Variants in VPS8 observed in about 807,000 individuals in gnomAD.
The protein encoded by VPS8 is vacuolar protein sorting-associated protein 8 homolog.
In VPS8, 129 loss-of-function variants were observed where a neutral mutation model predicts 216.4. That is an observed-to-expected ratio of 0.60 (90% confidence interval 0.52 to 0.69). VPS8 has a LOEUF of 0.69. Ranked by LOEUF, VPS8 falls within the 30% of genes least tolerant of loss-of-function variation. The pLI is 0.00. For missense variants in VPS8, 1,531 were observed against 1,683.5 expected, an observed-to-expected ratio of 0.91 and a Z score of 1.59; for synonymous variants, 571 against 565.4, an observed-to-expected ratio of 1.01 and a Z score of -0.14.
At chr3:184,885,056 GTCATGAATAATAT>G (rs956412319) in intron 21 of VPS8, among the ~76,000 whole-genome samples, 2 of 152,144 alleles carry the variant, frequency 1.3e-5, no homozygotes, top group African/African-American at 2.4e-5. Context: ...TCTACATGTA[GTCATGAATAATAT>G]TCATAAGTAA....
chr3:184,986,918 A>G (rs182519627), intron 42 of VPS8, among the ~76,000 whole-genome samples: 2 of 152,314 alleles, frequency 1.3e-5, no homozygotes, highest in East Asian at 3.9e-4. Flanking sequence ...TGGTGAATTA[A>G]TATTGATATA....
chr3:184,901,976 T>A (rs1015125143), intron 25 of VPS8, among the ~76,000 whole-genome samples: 7 of 152,234 alleles, frequency 4.6e-5, no homozygotes, highest in Non-Finnish European at 1.0e-4. Context: ...CTTAAAACTT[T>A]GGCCATTCTA....
At chr3:184,844,398 G>A (rs1472103667) in intron 8 of VPS8, among the ~76,000 whole-genome samples, 4 of 152,102 alleles carry the variant, frequency 2.6e-5, no homozygotes, top group African/African-American at 9.6e-5. Context: ...TCCAGCCTGG[G>A]TGACAGAGTG....
chr3:184,843,650 A>G (rs1451812192), intron 8 of VPS8, among the ~76,000 whole-genome samples: 1 of 152,190 alleles, frequency 6.6e-6, no homozygotes, highest in Admixed American at 6.5e-5. Flanking sequence ...GAGTCAATCA[A>G]TGCATGCAAA....
intron 30 of VPS8, 29 bp from the exon 31 acceptor site, chr3:184,926,565 C>G (rs1275537168): frequency 1.9e-6 from 3 of 1,560,178 alleles, no homozygotes; most frequent in Non-Finnish European, 8.7e-7. Flanking sequence ...ATGCTGATAT[C>G]AAATAAAAAA....
chr3:185,009,771 CAG>C (rs1035283610), intron 45 of VPS8, among the ~76,000 whole-genome samples: 2 of 152,016 alleles, frequency 1.3e-5, no homozygotes, highest in African/African-American at 4.8e-5. Context: ...CGGCATGACT[CAG>C]AGAGGGAGAA....
rs554985916 is a variant in VPS8, at chr3:184,826,087, T to G, written c.154-76T>G. On this transcript the variant is annotated intron_variant, in intron 2 of 47. Coordinates refer to ENST00000625842, the MANE Select transcript of VPS8 (RefSeq NM_001009921.3). The stretch of plus-strand genomic sequence containing the variant: ...GTTTGTCTTTTAATTGATGGTGGTT[T>G]TAATCAACTAAAACCCCTCACAATT... The G allele has an allele frequency of 3.8e-6, 4 of 1,044,546 alleles. No homozygotes were observed. In the East Asian group the frequency reaches 9.8e-5, roughly 26 times the overall value. The allele number at this position is 1,044,546 out of a possible 1,614,324, so 64.7% of individuals were successfully genotyped here.
Position 184,902,114 on chromosome 3 carries a change from C to T in VPS8, c.2146+1142C>T, listed in dbSNP as rs759687400. On this transcript the variant is annotated intron_variant, in intron 25 of 47. Transcript: ENST00000625842. ...TTGTGAATTGTTTAAATATTTAGCC[C>T]CCCCCCCCTTTTTTTTTTTTAATTG... Among the ~76,000 whole-genome samples the T allele has an allele frequency of 1.9e-4, 28 of 148,410 alleles. No homozygotes were observed. In the East Asian group the frequency reaches 6.0e-3, roughly 32 times the overall value.
intron 1 of VPS8, among the ~76,000 whole-genome samples, chr3:184,822,544 A>G (rs1717830955): frequency 6.6e-6 from 1 of 152,228 alleles, no homozygotes; most frequent in African/African-American, 2.4e-5. Context: ...TCAGTTAAAT[A>G]TTATTTTCCT....
chr3:184,913,521 G>T lies in VPS8; in HGVS notation c.2149G>T (p.Glu717Ter). The change falls in exon 26 of 48, where the codon GAA (glutamate) becomes TAA (stop). Residue 717 changes from glutamate to a stop codon, truncating the protein, a stop_gained and splice_region_variant. Coordinates refer to ENST00000625842, the MANE Select transcript of VPS8 (RefSeq NM_001009921.3). LOFTEE classifies it high-confidence loss of function. ...AGATACTTCTCTTTCTATTTTAGAT[G>T]AACAAGTTGTTATGGGCAATAAGCT... ...PLNAGKTLTD[E>*]QVVMGNKLLV... The T allele has an allele frequency of 6.3e-7, 1 of 1,586,162 alleles. No homozygotes were observed. The highest frequency in any genetic ancestry group is 8.6e-7 in the Non-Finnish European group (1 of 1,167,458).
chr3:185,014,873 A>C (rs979477523), intron 45 of VPS8, among the ~76,000 whole-genome samples: 1 of 152,194 alleles, frequency 6.6e-6, no homozygotes, highest in African/African-American at 2.4e-5. Flanking sequence ...TAGAAGCTGG[A>C]ATGCCCATCA....
intron 37 of VPS8, 51 bp downstream of exon 37, chr3:184,957,572 C>G: frequency 6.6e-7 from 1 of 1,506,870 alleles, no homozygotes. Flanking sequence ...TTAACATTCT[C>G]CATTTGACAG....
At chr3:185,026,464 T>C (rs368274249) in intron 46 of VPS8, among the ~76,000 whole-genome samples, 125 of 145,114 alleles carry the variant, frequency 8.6e-4, no homozygotes, top group African/African-American at 3.1e-3. Flanking sequence ...CAGGCTGGAG[T>C]GCAGTCACAT....
intron 29 of VPS8, 65 bp from the exon 30 acceptor site, chr3:184,924,797 G>T (rs1739270007): frequency 2.6e-6 from 3 of 1,163,940 alleles, no homozygotes; most frequent in African/African-American, 3.0e-5. Flanking sequence ...TCTTCTAATT[G>T]TATTTTTTTT....
intron 36 of VPS8, chr3:184,944,562 T>C: frequency 1.0e-6 from 1 of 985,072 alleles, no homozygotes; most frequent in Non-Finnish European, 1.2e-6. Context: ...TGTGAGGCCA[T>C]GAGCTGCATA....
chr3:184,901,917 C>T (rs762613966), intron 25 of VPS8, among the ~76,000 whole-genome samples: 6 of 152,114 alleles, frequency 3.9e-5, no homozygotes, highest in Non-Finnish European at 1.5e-5. Flanking sequence ...TGAGAGTTCC[C>T]GCTCCACATC....
intron 46 of VPS8, among the ~76,000 whole-genome samples, chr3:185,037,744 G>T (rs2108490091): frequency 6.6e-6 from 1 of 152,126 alleles, no homozygotes. Flanking sequence ...CTCCTGTTAA[G>T]CCTGTCTTGT....
chr3:184,923,997 C>T (rs1284707854), intron 29 of VPS8, among the ~76,000 whole-genome samples: 2 of 152,126 alleles, frequency 1.3e-5, no homozygotes, highest in East Asian at 3.8e-4. Flanking sequence ...TATGTCTTTT[C>T]CTTCTTGTTC....
At chr3:184,825,498 T>A (rs1223620299) in intron 2 of VPS8, among the ~76,000 whole-genome samples, 1 of 152,234 alleles carries the variant, frequency 6.6e-6, no homozygotes, top group Non-Finnish European at 1.5e-5. Context: ...GATGTCAGAC[T>A]TTTGCTTATT....
Sources: gnomAD v4.1 joint callset for allele counts (sites outside exome capture counted in the v4.1 genomes callset) on GRCh38, gnomAD v4.1.1 for gene constraint, MANE v1.5 for transcripts, NCBI Gene and HGNC (gene_info 2026-07-23, HGNC 2026-07-21) for gene names.